The following DDHD2 variants were observed in gnomAD, a reference collection of about 807,000 sequenced individuals.
DDHD2 encodes triacylglycerol hydrolase DDHD2.
A neutral mutation model predicts 91.2 loss-of-function variants in DDHD2; 62 were observed. The observed-to-expected ratio is 0.68, with a 90% CI of 0.55 to 0.84. The LOEUF is 0.84. Among genes scored for constraint, DDHD2 ranks in the 40% least tolerant of loss-of-function variants. The pLI is 0.00. For synonymous variants in DDHD2, 271 were observed against 293.9 expected (o/e 0.92, Z 0.80); for missense variants, 740 against 846.9 (o/e 0.87, Z 1.57).
intron 4 of DDHD2, 134 bp from the exon 5 acceptor site, chr8:38,237,955 C>A: frequency 1.2e-6 from 1 of 818,914 alleles, no homozygotes; most frequent in Non-Finnish European, 1.9e-6. Context: ...TCAAGCCATA[C>A]GAGTTGTATA....
intron 15 of DDHD2, 193 bp downstream of exon 15, chr8:38,253,320 G>T: frequency 1.4e-6 from 1 of 739,232 alleles, no homozygotes; most frequent in Admixed American, 3.0e-5. Flanking sequence ...AAATGACCTA[G>T]CTATCAATGG....
In DDHD2 at chr8:38,252,214, T is replaced by G. The variant is rs762540634; in HGVS notation, c.1544T>G (p.Val515Gly). ...FGSPIGMFLT[V>G]RGLKRIDPNY... ...TCTCCCATTGGAATGTTCCTTACTG[T>G]CCGAGGACTAAAAAGAATTGATCCC... The change falls in exon 13 of 18, where the codon GTC becomes GGC. Residue 515 changes from valine (V) to glycine (G), a missense_variant. Coordinates refer to ENST00000397166, the MANE Select transcript of DDHD2 (RefSeq NM_015214.3). 19 of 1,614,154 alleles carry G rather than the reference T, an allele frequency of 1.2e-5. No individual in the cohort carries two copies. The highest frequency in any genetic ancestry group is 1.6e-5 in the Non-Finnish European group (19 of 1,180,026).
At chr8:38,243,469 A>G (rs1805392913) in intron 7 of DDHD2, among the ~76,000 whole-genome samples, 1 of 152,064 alleles carries the variant, frequency 6.6e-6, no homozygotes, top group Non-Finnish European at 1.5e-5. Flanking sequence ...TTTTTATTAG[A>G]GATAATTTTG....
chr8:38,263,689 A>G (rs1397688651), downstream of DDHD2: 38 of 985,290 alleles, frequency 3.9e-5, no homozygotes, highest in Non-Finnish European at 4.5e-5. Context: ...CAGAGAAGGT[A>G]AACAGAATCA....
At chr8:38,238,722 G>A (rs912886411) in intron 5 of DDHD2, 35 of 944,174 alleles carry the variant, frequency 3.7e-5, no homozygotes, top group Non-Finnish European at 4.3e-5. Flanking sequence ...AAAATTTCAG[G>A]CTTTAAAAAC....
At position 38,252,006 on chromosome 8, in the gene DDHD2, A is replaced by G. The variant is rs759168128; in HGVS notation, c.1439A>G (p.Tyr480Cys). Residue 480 changes from tyrosine (Y) to cysteine (C), a missense_variant, in exon 12 of 18, where the codon TAT becomes TGT. Around this residue, in one of 2 missense-constraint regions of DDHD2, gnomAD observed 693 missense variants for 764.2 expected, o/e 0.91. Coordinates refer to ENST00000397166, the MANE Select transcript of DDHD2 (RefSeq NM_015214.3). ...AGCAGTAATACTAGAAATGGTGACTATCTGGATGTTGGCATTGGGCAGGTA... is the reference window on the plus strand; with the variant it reads ...AGCAGTAATACTAGAAATGGTGACTGTCTGGATGTTGGCATTGGGCAGGTA... ...CSSSNTRNGD[Y>C]LDVGIGQVSV... The G allele has an allele frequency of 1.7e-5, 27 of 1,613,804 alleles. No homozygotes were observed. The highest frequency in any genetic ancestry group is 4.0e-5 in the African/African-American group (3 of 74,928).
chr8:38,259,323 C>T (rs1042226542), intron 16 of DDHD2, among the ~76,000 whole-genome samples: 5 of 151,326 alleles, frequency 3.3e-5, no homozygotes, highest in Admixed American at 2.0e-4. Flanking sequence ...TCGGTTCAAG[C>T]GATTCTCCTG....
intron 1 of DDHD2, chr8:38,270,020 T>C (rs1177568068): frequency 1.3e-5 from 2 of 152,208 alleles, no homozygotes; most frequent in Admixed American, 1.3e-4. Flanking sequence ...CAATAAAACA[T>C]AGGCCAATCA....
At chr8:38,260,218 T>C (rs1422566209) in intron 17 of DDHD2, 71 bp downstream of exon 17, 1 of 840,910 alleles carries the variant, frequency 1.2e-6, no homozygotes, top group Admixed American at 2.2e-5. Flanking sequence ...CTATGGAGCC[T>C]CAAGCTCTTT....
At chr8:38,264,598 A>G, downstream of DDHD2, 1 of 1,593,438 alleles carries the variant, frequency 6.3e-7, no homozygotes, top group East Asian at 2.3e-5. Flanking sequence ...GGATCCAACT[A>G]GTACATCTGA....
rs769473577 is a variant in DDHD2 at position 38,253,024 on chromosome 8, G to A, written c.1788G>A (p.Met596Ile). Residue 596 changes from methionine to isoleucine, a missense_variant, in exon 15 of 18, where the codon ATG becomes ATA. Physicochemically the swap from Met to Ile is conservative, Grantham distance 10 (BLOSUM62 1). Coordinates refer to ENST00000397166, the MANE Select transcript of DDHD2 (RefSeq NM_015214.3). Reference sequence around the variant, plus strand: ...ACAACTTGCTAGGTTCGCTGCGGATGGCCTGGAAGTCTTTTACCAGAGCTC... The same window carrying A: ...ACAACTTGCTAGGTTCGCTGCGGATAGCCTGGAAGTCTTTTACCAGAGCTC... ...LKNNLLGSLR[M>I]AWKSFTRAPY... 1.2e-6 allele frequency: 2 copies of A among 1,614,130 alleles called. No homozygotes were observed. Among genetic ancestry groups the A allele is most frequent in the South Asian group, 1.1e-5 (1 of 91,082 alleles).
chr8:38,268,104 A>G, intron 1 of DDHD2: 1 of 1,476,760 alleles, frequency 6.8e-7, no homozygotes, highest in Admixed American at 2.5e-5. Flanking sequence ...GTCCTCAGTG[A>G]TCACTCTTTT....
chr8:38,234,686 G>C, intron 3 of DDHD2, 102 bp downstream of exon 3: 1 of 970,860 alleles, frequency 1.0e-6, no homozygotes, highest in South Asian at 1.8e-5. Context: ...AAAGACTTTG[G>C]TTCTGTCTGC....
rs760818023 is a variant in DDHD2, at chr8:38,260,698, A to C, written c.*125A>C. ...ATTTCCTGCATGTTGCCTGCCACTT[A>C]CTCACCACTGGGGTCTTTGGAAGAT... On this transcript the variant is annotated 3_prime_UTR_variant, in exon 18 of 18. Transcript: ENST00000397166. 1 of 152,606 alleles carries C rather than the reference A, an allele frequency of 6.6e-6. No homozygotes were observed. Among genetic ancestry groups the C allele is most frequent in the Non-Finnish European group, 1.5e-5 (1 of 68,200 alleles). The allele number at this position is 152,606 out of a possible 1,614,324, so 9.5% of individuals were successfully genotyped here. A position where few individuals can be genotyped will look rare whatever the true frequency, so the allele number is the denominator to read the frequency against.
intron 7 of DDHD2, among the ~76,000 whole-genome samples, chr8:38,244,065 A>G (rs1805441876): frequency 6.6e-6 from 1 of 151,744 alleles, no homozygotes; most frequent in Admixed American, 6.6e-5. Flanking sequence ...GGCCTCCCCA[A>G]GTGCTGGGAT....
Position 38,231,799 on chromosome 8 carries a change from G to C in DDHD2, c.-69G>C, listed in dbSNP as rs971729514. ...CCGGGCTGGGGTAAAGGCCGCGGCCGGGCCATGCAGTGTCCTCCTCAGGGA... is the reference window on the plus strand; with the variant it reads ...CCGGGCTGGGGTAAAGGCCGCGGCCCGGCCATGCAGTGTCCTCCTCAGGGA... On this transcript the variant is annotated 5_prime_UTR_variant, in exon 1 of 18. Transcript: ENST00000397166. 6.6e-6 allele frequency: 1 copy of C among 152,222 alleles called. No individual in the cohort carries two copies. The highest frequency in any genetic ancestry group is 1.5e-5 in the Non-Finnish European group (1 of 68,082). The allele number at this position is 152,222 out of a possible 1,614,324, so 9.4% of individuals were successfully genotyped here.
At position 38,249,739 on chromosome 8, in the gene DDHD2, T is replaced by C. The variant is rs760837688; in HGVS notation, c.1280T>C (p.Ile427Thr). 6.2e-6 allele frequency: 10 copies of C among 1,611,888 alleles called. No individual in the cohort carries two copies. In the South Asian group the frequency reaches 8.8e-5, roughly 14 times the overall value. Residue 427 changes from isoleucine to threonine, a missense_variant, in exon 11 of 18, where the codon ATA (isoleucine) becomes ACA (threonine). Transcript: ENST00000397166. Reference protein sequence around the residue: ...ALCTDRDLQEIGIPLGPRKKI... With the variant: ...ALCTDRDLQETGIPLGPRKKI... ...TGTACAGACCGAGATCTTCAGGAAA[T>C]AGGAATTCCTTTAGGACCAAGAAAG...
At chr8:38,233,339 CA>C in intron 2 of DDHD2, 125 bp downstream of exon 2, 1 of 671,860 alleles carries the variant, frequency 1.5e-6, no homozygotes, top group Non-Finnish European at 2.5e-6. Flanking sequence ...TAATTTCTTA[CA>C]GCATTTTATA....
chr8:38,242,223 G>C, intron 6 of DDHD2, 27 bp from the exon 7 acceptor site: 1 of 1,553,500 alleles, frequency 6.4e-7, no homozygotes, highest in Admixed American at 2.1e-5. Context: ...CTTCATTGTT[G>C]ATGCATAAGT....
Sources: allele counts gnomAD v4.1 joint callset (sites outside exome capture counted in the v4.1 genomes callset), GRCh38; gene constraint gnomAD v4.1.1; regional missense constraint gnomAD v4.1.1; transcripts MANE v1.5; gene names NCBI Gene and HGNC (gene_info 2026-07-23, HGNC 2026-07-21).